KIAA1191: variants seen among roughly 807,000 people sequenced by gnomAD.
KIAA1191 encodes KIAA1191, also known as putative monooxygenase p33MONOX.
A neutral mutation model predicts 31.1 loss-of-function variants in KIAA1191; 22 were observed. That is an observed-to-expected ratio of 0.71 (90% CI 0.51 to 1.01). The LOEUF (loss-of-function observed/expected upper bound fraction) is 1.01, where lower values mean the gene tolerates loss of function less well. Among genes scored for constraint, KIAA1191 ranks in the 50% least tolerant of loss-of-function variants. The pLI, the probability that KIAA1191 is intolerant of heterozygous loss-of-function variation, is 0.00. For missense variants in KIAA1191, 319 were observed against 388.0 expected (o/e 0.82, Z 1.49); for synonymous variants, 130 against 143.9 (o/e 0.90, Z 0.69).
Position 176,355,618 on chromosome 5 carries a change from G to A in KIAA1191, c.160C>T (p.Pro54Ser). ...TPPPSDMGSV[P>S]WKPVIPERKY... ...CGCTCTGGAATCACTGGCTTCCAAG[G>A]GACGCTGCCCATGTCCGATGGAGGA... The change falls in exon 4 of 9, where the codon CCT (proline) becomes TCT (serine). Residue 54 changes from proline (P) to serine (S), a missense_variant. Coordinates refer to ENST00000298569, the MANE Select transcript of KIAA1191 (RefSeq NM_020444.5). The surrounding 1 kb of genome is among the most constrained non-coding windows in gnomAD (Gnocchi z 4.2). 1.2e-6 allele frequency: 2 copies of A among 1,612,188 alleles called. No homozygotes were observed. Among genetic ancestry groups the A allele is most frequent in the South Asian group, 1.1e-5 (1 of 91,012 alleles).
chr5:176,348,346 A>G lies in KIAA1191; in HGVS notation c.470T>C (p.Leu157Ser), dbSNP rs1204697693. 1 of 1,613,102 alleles carries G rather than the reference A, an allele frequency of 6.2e-7. No homozygotes were observed. The highest frequency in any genetic ancestry group is 2.2e-5 in the East Asian group (1 of 44,864). The change falls in exon 7 of 9, where the codon TTA becomes TCA. Residue 157 changes from leucine to serine, a missense_variant. Coordinates refer to ENST00000298569, the MANE Select transcript of KIAA1191 (RefSeq NM_020444.5). ...TTCTTTTGTTACCTCTCCACTCTGT[A>G]ACTTTAGTTTCTGCTCAGATGGGTA... is the stretch of plus-strand genomic sequence containing the variant. Reference protein sequence around the residue: ...RVAEALHKLKLQSGEVTKEER... With the variant: ...RVAEALHKLKSQSGEVTKEER...
chr5:176,347,678 C>T lies in KIAA1191; in HGVS notation c.840G>A (p.Met280Ile). The T allele has an allele frequency of 1.3e-6, 2 of 1,586,206 alleles. No individual in the cohort carries two copies. Among genetic ancestry groups the T allele is most frequent in the Non-Finnish European group, 1.7e-6 (2 of 1,168,834 alleles). Residue 280 changes from methionine to isoleucine, a missense_variant, in exon 9 of 9, where the codon ATG becomes ATA. By Grantham distance (10) the Met-to-Ile change is conservative. Transcript: ENST00000298569. ...CCCGTGGTGGCTGTTTCTTTCCTTC[C>T]ATCACTGGGATGTCCATCTTGGGGG... Reference protein sequence around the residue: ...LKPPKMDIPVMEGKKQPPRAH... With the variant: ...LKPPKMDIPVIEGKKQPPRAH...
In KIAA1191 at chr5:176,346,640, G is replaced by A. The variant is rs1019588341; in HGVS notation, c.*960C>T. On this transcript the variant is annotated 3_prime_UTR_variant, in exon 9 of 9. Transcript: ENST00000298569. ...GCTCTGCTAGAGTAGTGTTTGTTCT[G>A]TGGCATAGAAAGAGGAGCATGCCTC... is the stretch of plus-strand genomic sequence containing the variant. The A allele has an allele frequency of 2.6e-5, 4 of 152,240 alleles. No individual in the cohort carries two copies. Among genetic ancestry groups the A allele is most frequent in the African/African-American group, 4.8e-5 (2 of 41,468 alleles). The allele number at this position is 152,240 out of a possible 1,614,324, so 9.4% of individuals were successfully genotyped here.
Position 176,352,402 on chromosome 5 carries a change from C to T in KIAA1191, c.334+220G>A, listed in dbSNP as rs569456997. On this transcript the variant is annotated intron_variant, in intron 5 of 8. Transcript: ENST00000298569. ...GGAACATGAGATCATATCAACAAAG[C>T]AGCAGGAATGCACCTAAATCAGATA... 4.6e-5 allele frequency among the ~76,000 whole-genome samples: 7 copies of T among 152,344 alleles called. No homozygotes were observed. The East Asian group carries it at 1.2e-3, about 25-fold the overall frequency.
chr5:176,359,333 A>T, intron 3 of KIAA1191, 148 bp downstream of exon 3: 2 of 696,698 alleles, frequency 2.9e-6, no homozygotes, highest in Non-Finnish European at 4.8e-6. Context: ...AAATAAAATA[A>T]AATAAAATAA....
At chr5:176,354,416 G>A (rs530617795) in intron 4 of KIAA1191, 2 of 152,320 alleles carry the variant, frequency 1.3e-5, no homozygotes, top group South Asian at 4.1e-4. Flanking sequence ...CGTGAACTTG[G>A]CGGGCCTACT....
intron 5 of KIAA1191, among the ~76,000 whole-genome samples, chr5:176,352,217 C>T (rs1188256363): frequency 6.6e-6 from 1 of 151,836 alleles, no homozygotes; most frequent in East Asian, 1.9e-4. Context: ...CGGATGTTTC[C>T]CCTTCTCCAG....
chr5:176,359,325 A>G, intron 3 of KIAA1191, 156 bp downstream of exon 3: 1 of 629,656 alleles, frequency 1.6e-6, no homozygotes, highest in Non-Finnish European at 2.7e-6. Context: ...TCTCAAAAAA[A>G]TAAAATAAAA....
intron 6 of KIAA1191, 64 bp downstream of exon 6, chr5:176,350,549 C>G: frequency 6.3e-7 from 1 of 1,583,164 alleles, no homozygotes; most frequent in Non-Finnish European, 8.6e-7. Flanking sequence ...ACTTCAAAAC[C>G]ACAGCCACAT....
Position 176,347,825 on chromosome 5 carries a change from G to C in KIAA1191, c.710-17C>G, listed in dbSNP as rs201360502. 46 of 1,601,652 alleles carry C rather than the reference G, an allele frequency of 2.9e-5. No homozygotes were observed. In the East Asian group the frequency reaches 9.6e-4, roughly 33 times the overall value. ...CAAAACTTCCTACAAAAGTGAACCA[G>C]AGTGCAAATGATTTCAAAACCAGTA... On this transcript the variant is annotated splice_polypyrimidine_tract_variant and intron_variant, in intron 8 of 8. Coordinates refer to ENST00000298569, the MANE Select transcript of KIAA1191 (RefSeq NM_020444.5).
At chr5:176,350,494 C>T (rs1442530550) in intron 6 of KIAA1191, 119 bp downstream of exon 6, 5 of 1,274,180 alleles carry the variant, frequency 3.9e-6, no homozygotes, top group African/African-American at 3.0e-5. Flanking sequence ...GCTAAGAGCT[C>T]GGGAGCGAGA....
chr5:176,348,251 T>C lies in KIAA1191; in HGVS notation c.565A>G (p.Arg189Gly). 6.2e-7 allele frequency: 1 copy of C among 1,613,500 alleles called. No homozygotes were observed. Among genetic ancestry groups the C allele is most frequent in the Non-Finnish European group, 8.5e-7 (1 of 1,179,678 alleles). ...GGAAGGGTCACAGGAAGGGCTCACCTGGGCCTCTGCTTAGGTGAAGAGTGC... is the reference window on the plus strand; with the variant it reads ...GGAAGGGTCACAGGAAGGGCTCACCCGGGCCTCTGCTTAGGTGAAGAGTGC... ...TPHSSPKQRP[R>G]GWFTSGSSTA... The change falls in exon 7 of 9, where the codon AGG becomes GGG. Residue 189 changes from arginine to glycine, a missense_variant and splice_region_variant. By Grantham distance (125) the Arg-to-Gly change is moderately radical. Coordinates refer to ENST00000298569, the MANE Select transcript of KIAA1191 (RefSeq NM_020444.5).
intron 5 of KIAA1191, among the ~76,000 whole-genome samples, 153 bp from the exon 6 acceptor site, chr5:176,350,890 G>A (rs185156822): frequency 5.4e-4 from 82 of 152,236 alleles, no homozygotes; most frequent in African/African-American, 2.0e-3. Flanking sequence ...CACCACAGCA[G>A]TAATTCTGAA....
At chr5:176,352,587 T>G (rs750441011) in intron 5 of KIAA1191, 35 bp downstream of exon 5, 57 of 1,607,416 alleles carry the variant, frequency 3.5e-5, no homozygotes, top group Non-Finnish European at 4.3e-5. Context: ...TCCCTGCCCC[T>G]ATGGCACTCT....
chr5:176,346,939 G>C lies in KIAA1191; in HGVS notation c.*661C>G, dbSNP rs1302645498. The C allele has an allele frequency of 6.6e-6, 1 of 152,112 alleles. No individual in the cohort carries two copies. The highest frequency in any genetic ancestry group is 2.4e-5 in the African/African-American group (1 of 41,408). The allele number at this position is 152,112 out of a possible 1,614,324, so 9.4% of individuals were successfully genotyped here. A position where few individuals can be genotyped will look rare whatever the true frequency, so the allele number is the denominator to read the frequency against. On this transcript the variant is annotated 3_prime_UTR_variant, in exon 9 of 9. Coordinates refer to ENST00000298569, the MANE Select transcript of KIAA1191 (RefSeq NM_020444.5). ...ATTTGTCAATGCTCACATGGATAGT[G>C]GTAAAGGAATAAAGAAGCCTGGGTT...
chr5:176,352,859 G>T, intron 4 of KIAA1191, 111 bp from the exon 5 acceptor site: 1 of 1,218,122 alleles, frequency 8.2e-7, no homozygotes, highest in Non-Finnish European at 1.1e-6. Context: ...TCTGGTAAGT[G>T]AGGAAATCAT....
intron 3 of KIAA1191, chr5:176,356,240 G>T: frequency 5.8e-6 from 1 of 172,606 alleles, no homozygotes; most frequent in Non-Finnish European, 1.2e-5. Flanking sequence ...TCAAAGCTGT[G>T]TCCTTTATCC....
intron 1 of KIAA1191, among the ~76,000 whole-genome samples, chr5:176,360,822 TAA>T (rs944174050): frequency 6.6e-5 from 10 of 151,614 alleles, no homozygotes; most frequent in Non-Finnish European, 1.0e-4. Context: ...TTAAAAAAAT[TAA>T]AAAAATGTTA....
In KIAA1191 at chr5:176,359,585, G is replaced by C. The variant is rs1024284002; in HGVS notation, c.-59-18C>G. 1 of 1,168,780 alleles carries C rather than the reference G, an allele frequency of 8.6e-7. No individual in the cohort carries two copies. Among genetic ancestry groups the C allele is most frequent in the Non-Finnish European group, 1.3e-6 (1 of 775,226 alleles). 72.4% of individuals were successfully genotyped at this position (1,168,780 alleles called of 1,614,324 possible). On this transcript the variant is annotated intron_variant, in intron 2 of 8. Coordinates refer to ENST00000298569, the MANE Select transcript of KIAA1191 (RefSeq NM_020444.5). Reference sequence around the variant, plus strand: ...CCTGCCACCTAATAAAATAACAAAGGGCATTTTCTTATGGTGAGCAGCACC... The same window carrying C: ...CCTGCCACCTAATAAAATAACAAAGCGCATTTTCTTATGGTGAGCAGCACC...
Sources: gnomAD v4.1 joint callset for allele counts (sites outside exome capture counted in the v4.1 genomes callset) on GRCh38, gnomAD v4.1.1 for gene constraint, Gnocchi (gnomAD v3.1) non-coding constraint, MANE v1.5 for transcripts, NCBI Gene and HGNC (gene_info 2026-07-23, HGNC 2026-07-21) for gene names.